HTRA1: variants seen among roughly 807,000 people sequenced by gnomAD.
The protein encoded by HTRA1 is HtrA serine peptidase 1.
Under a neutral mutation model 49.7 loss-of-function variants are expected in HTRA1, and 26 were observed. The ratio of observed to expected loss-of-function variants is 0.52; its 90% CI spans 0.38 to 0.73. The LOEUF (loss-of-function observed/expected upper bound fraction) is 0.73, where lower values mean the gene tolerates loss of function less well. HTRA1 is among the 30% of genes least tolerant of loss of function. The probability of loss-of-function intolerance (pLI) is 0.00; values close to 1 mark genes in which losing one functional copy is unlikely to be tolerated. For missense variants in HTRA1, 561 were observed against 667.2 expected, an observed-to-expected ratio of 0.84 and a Z score of 1.75; for synonymous variants, 291 against 286.9, an observed-to-expected ratio of 1.01 and a Z score of -0.14.
At chr10:122,480,339 G>A (rs2097490448) in intron 1 of HTRA1, among the ~76,000 whole-genome samples, 2 of 144,544 alleles carry the variant, frequency 1.4e-5, no homozygotes, top group South Asian at 5.4e-4. Flanking sequence ...CCACATCAGG[G>A]CGGGCGAGGG....
rs531932500 is a variant in HTRA1, at chr10:122,485,614, A to G, written c.473-3288A>G. Among the ~76,000 whole-genome samples, 3 of 152,152 alleles carry G rather than the reference A, an allele frequency of 2.0e-5. No individual in the cohort carries two copies. The South Asian group carries it at 6.2e-4, about 32-fold the overall frequency. ...CAGTGGCCAGGCCAGATCCTCCTTG[A>G]TCTCCCTTGTTGCTTTCCTGGTGGG... On this transcript the variant is annotated intron_variant, in intron 1 of 8. Transcript: ENST00000368984.
At chr10:122,504,043 G>A (rs1405305018) in intron 3 of HTRA1, among the ~76,000 whole-genome samples, 1 of 152,184 alleles carries the variant, frequency 6.6e-6, no homozygotes, top group Non-Finnish European at 1.5e-5. Context: ...AAGTGTGACT[G>A]AGCCAGGCTT....
Position 122,489,413 on chromosome 10 carries a change from G to C in HTRA1, c.573-9G>C, listed in dbSNP as rs755168997. The C allele has an allele frequency of 1.2e-6, 2 of 1,613,788 alleles. No homozygotes were observed. The highest frequency in any genetic ancestry group is 4.5e-5 in the East Asian group (2 of 44,870). The stretch of plus-strand genomic sequence containing the variant: ...TACAGGCTTAAGTGTGTACTCCTTT[G>C]GATTTTAGGCTTCCGTTTTCTAAAC... On this transcript the variant is annotated splice_polypyrimidine_tract_variant and intron_variant, in intron 2 of 8. Transcript: ENST00000368984.
rs1019175847 is a variant in HTRA1 at position 122,492,488 on chromosome 10, C to T, written c.777+2862C>T. Among the ~76,000 whole-genome samples the T allele has an allele frequency of 3.3e-5, 5 of 152,218 alleles. No individual in the cohort carries two copies. In the East Asian group the frequency reaches 7.7e-4, roughly 24 times the overall value. On this transcript the variant is annotated intron_variant, in intron 3 of 8. Transcript: ENST00000368984. Reference sequence around the variant, plus strand: ...GGCTGGGACTACAGGCGTGCACCACCATGCCTGGCTACTTTTTGTATTTTT... The same window carrying T: ...GGCTGGGACTACAGGCGTGCACCACTATGCCTGGCTACTTTTTGTATTTTT...
At chr10:122,463,680 T>C (rs967617836) in intron 1 of HTRA1, among the ~76,000 whole-genome samples, 9 of 152,200 alleles carry the variant, frequency 5.9e-5, no homozygotes, top group African/African-American at 2.2e-4. Flanking sequence ...CATTCCCGTT[T>C]TACAGATAGC....
chr10:122,498,314 G>A (rs2097499583), intron 3 of HTRA1, among the ~76,000 whole-genome samples: 5 of 152,026 alleles, frequency 3.3e-5, no homozygotes, highest in African/African-American at 1.2e-4. Context: ...GTAATCACAT[G>A]TCAGTTGGAG....
Position 122,494,882 on chromosome 10 carries a change from G to C in HTRA1, c.777+5256G>C, listed in dbSNP as rs941577375. 6.6e-6 allele frequency among the ~76,000 whole-genome samples: 1 copy of C among 152,150 alleles called. No homozygotes were observed. The highest frequency in any genetic ancestry group is 2.4e-5 in the African/African-American group (1 of 41,418). On this transcript the variant is annotated intron_variant, in intron 3 of 8. Coordinates refer to ENST00000368984, the MANE Select transcript of HTRA1 (RefSeq NM_002775.5). The surrounding 1 kb of genome is among the most constrained non-coding windows in gnomAD (Gnocchi z 4.0). ...CCTTTTACATGTCCCGGGAGCTGCT[G>C]AGCAGGCCACTCTTCTCCAGGCCAC...
Position 122,506,199 on chromosome 10 carries a change from C to T in HTRA1, c.778-492C>T, listed in dbSNP as rs1479296911. 1.3e-5 allele frequency among the ~76,000 whole-genome samples: 2 copies of T among 152,042 alleles called. No individual in the cohort carries two copies. The highest frequency in any genetic ancestry group is 1.3e-4 in the Admixed American group (2 of 15,268). On this transcript the variant is annotated intron_variant, in intron 3 of 8. Transcript: ENST00000368984. This position sits in a 1 kb window ranked among gnomAD's most constrained non-coding sequence, Gnocchi z 5.2. ...ACAGTTCCCTGCCCGCAGAGCACCC[C>T]AAATATTCCAGGCCTCAGGACGGAT...
Position 122,461,597 on chromosome 10 carries a change from G to T in HTRA1, c.-56G>T. 1.7e-6 allele frequency: 2 copies of T among 1,148,032 alleles called. No individual in the cohort carries two copies. The highest frequency in any genetic ancestry group is 2.3e-6 in the Non-Finnish European group (2 of 875,646). The allele number at this position is 1,148,032 out of a possible 1,614,324, so 71.1% of individuals were successfully genotyped here. ...GAGGCCCTCCTGCACTCTCCCCGGC[G>T]CCGCTCTCCGGCCCTCGCCCTGTCC... On this transcript the variant is annotated 5_prime_UTR_variant, in exon 1 of 9. Coordinates refer to ENST00000368984, the MANE Select transcript of HTRA1 (RefSeq NM_002775.5).
At chr10:122,474,549 G>A (rs1406777871) in intron 1 of HTRA1, among the ~76,000 whole-genome samples, 1 of 152,228 alleles carries the variant, frequency 6.6e-6, no homozygotes, top group Non-Finnish European at 1.5e-5. Flanking sequence ...GAGGGCTAGG[G>A]AGACTGAACA....
intron 3 of HTRA1, among the ~76,000 whole-genome samples, chr10:122,496,279 C>T (rs2097498741): frequency 1.1e-5 from 1 of 92,544 alleles, no homozygotes; most frequent in South Asian, 3.6e-4. Flanking sequence ...AAGCTTTGAT[C>T]TTGTCACAAT....
At chr10:122,497,224 T>C (rs905122360) in intron 3 of HTRA1, among the ~76,000 whole-genome samples, 4 of 152,360 alleles carry the variant, frequency 2.6e-5, no homozygotes, top group Admixed American at 6.5e-5. Context: ...TTGCTTTATC[T>C]ACCAGGCAGC....
chr10:122,473,108 G>A (rs1300878170), intron 1 of HTRA1, among the ~76,000 whole-genome samples: 3 of 152,210 alleles, frequency 2.0e-5, no homozygotes, highest in Non-Finnish European at 4.4e-5. Flanking sequence ...TTTATTCTCA[G>A]GTTGATGGCT....
chr10:122,493,368 A>T (rs1289978398), intron 3 of HTRA1, among the ~76,000 whole-genome samples: 2 of 152,216 alleles, frequency 1.3e-5, no homozygotes, highest in East Asian at 3.9e-4. Context: ...TAAACATGTT[A>T]ATAGAAAGCA....
chr10:122,504,231 C>T (rs748989782), intron 3 of HTRA1, among the ~76,000 whole-genome samples: 2 of 152,188 alleles, frequency 1.3e-5, no homozygotes, highest in African/African-American at 2.4e-5. Context: ...GTCTCCTTGC[C>T]GCATCCTCTA....
intron 1 of HTRA1, among the ~76,000 whole-genome samples, chr10:122,463,229 T>C (rs1486043088): frequency 6.6e-6 from 1 of 152,220 alleles, no homozygotes; most frequent in African/African-American, 2.4e-5. Context: ...TGTGACCAAC[T>C]AGGGCTTAGC....
At position 122,464,300 on chromosome 10, in the gene HTRA1, G is replaced by A. The variant is rs1370280545; in HGVS notation, c.472+2176G>A. ...GAGTTGGCTGAGTCCCTGTGTGGAG[G>A]AAAACAGGTCCCCCATTGGCCATCG... is the stretch of plus-strand genomic sequence containing the variant. On this transcript the variant is annotated intron_variant, in intron 1 of 8. Coordinates refer to ENST00000368984, the MANE Select transcript of HTRA1 (RefSeq NM_002775.5). The surrounding 1 kb of genome is among the most constrained non-coding windows in gnomAD (Gnocchi z 4.8). Among the ~76,000 whole-genome samples, 4 of 152,178 alleles carry A rather than the reference G, an allele frequency of 2.6e-5. No homozygotes were observed. In the South Asian group the frequency reaches 8.3e-4, roughly 31 times the overall value.
rs1001392622 is a variant in HTRA1 at position 122,487,255 on chromosome 10, T to C, written c.473-1647T>C. On this transcript the variant is annotated intron_variant, in intron 1 of 8. Transcript: ENST00000368984. The surrounding 1 kb of genome is among the most constrained non-coding windows in gnomAD (Gnocchi z 4.8). ...GTCCAAGGGGGAAGAATGGGGTGCA[T>C]GGCTCTCAGCTGCAGACCAGCCTGG... Among the ~76,000 whole-genome samples the C allele has an allele frequency of 6.6e-6, 1 of 152,102 alleles. No individual in the cohort carries two copies. Among genetic ancestry groups the C allele is most frequent in the African/African-American group, 2.4e-5 (1 of 41,422 alleles).
intron 6 of HTRA1, 72 bp downstream of exon 6, chr10:122,508,842 G>T: frequency 1.1e-6 from 1 of 942,136 alleles, no homozygotes; most frequent in Non-Finnish European, 1.8e-6. Flanking sequence ...TTGGGACTTG[G>T]GGAAGGGAAA....
Sources: gnomAD v4.1 joint callset for allele counts (sites outside exome capture counted in the v4.1 genomes callset) on GRCh38, gnomAD v4.1.1 for gene constraint, Gnocchi (gnomAD v3.1) non-coding constraint, MANE v1.5 for transcripts, NCBI Gene and HGNC (gene_info 2026-07-23, HGNC 2026-07-21) for gene names.